Variants in NEMP2 observed in about 807,000 individuals in gnomAD.
NEMP2 encodes the protein UPF0571 transmembrane protein.
In NEMP2, 53 loss-of-function variants were observed where a neutral mutation model predicts 54.2. That is an observed-to-expected ratio of 0.98 (90% confidence interval 0.78 to 1.23). The LOEUF (loss-of-function observed/expected upper bound fraction) is 1.23, where lower values mean the gene tolerates loss of function less well. NEMP2 is among the 50% of genes most tolerant of loss of function. NEMP2 has a pLI of 0.00. For synonymous variants in NEMP2, 197 were observed against 190.3 expected (o/e 1.04, Z -0.29); for missense variants, 455 against 511.3 (o/e 0.89, Z 1.06).
upstream of NEMP2, among the ~76,000 whole-genome samples, chr2:190,539,673 G>A (rs1296386409): frequency 6.6e-6 from 1 of 152,060 alleles, no homozygotes; most frequent in Non-Finnish European, 1.5e-5. The surrounding 1 kb of genome is among the most constrained non-coding windows in gnomAD (Gnocchi z 4.1). Flanking sequence ...TATACTCTTT[G>A]TAGCTATTAT....
At chr2:190,547,363 T>G in the NEMP2 span, among the ~76,000 whole-genome samples, 3 of 152,198 alleles carry the variant, frequency 2.0e-5, no homozygotes, top group African/African-American at 7.2e-5. The surrounding 1 kb of genome is among the most constrained non-coding windows in gnomAD (Gnocchi z 6.2). Context: ...ATTCTAAACT[T>G]TGACAAATGT....
At chr2:190,644,222 C>T in the NEMP2 span, among the ~76,000 whole-genome samples, 5 of 152,248 alleles carry the variant, frequency 3.3e-5, no homozygotes, top group South Asian at 1.0e-3. This position sits in a 1 kb window ranked among gnomAD's most constrained non-coding sequence, Gnocchi z 4.4. Context: ...TACAGACATA[C>T]TGGCACCAAT....
chr2:190,613,014 ATTTAT>A, the NEMP2 span, among the ~76,000 whole-genome samples: 5 of 152,166 alleles, frequency 3.3e-5, no homozygotes, highest in Non-Finnish European at 5.9e-5. Flanking sequence ...TTATCTAATT[ATTTAT>A]TTTAATCATT....
At chr2:190,585,129 T>C in the NEMP2 span, among the ~76,000 whole-genome samples, 1 of 152,258 alleles carries the variant, frequency 6.6e-6, no homozygotes, top group African/African-American at 2.4e-5. The surrounding 1 kb of genome is among the most constrained non-coding windows in gnomAD (Gnocchi z 5.3). Context: ...CTGAAAGCAT[T>C]TGGAAACGTT....
chr2:190,602,849 A>C, the NEMP2 span, among the ~76,000 whole-genome samples: 1 of 152,226 alleles, frequency 6.6e-6, no homozygotes, highest in Non-Finnish European at 1.5e-5. Flanking sequence ...CATTTTGTGC[A>C]AAACCAGCCC....
chr2:190,488,646 T>G, the NEMP2 span: 1 of 1,489,728 alleles, frequency 6.7e-7, no homozygotes, highest in Middle Eastern at 1.8e-4. This position sits in a 1 kb window ranked among gnomAD's most constrained non-coding sequence, Gnocchi z 6.4. Context: ...CCTGCTCTTC[T>G]TCCTCTCCAG....
rs565944159 is a variant in NEMP2, at chr2:190,531,226, T to C, written c.97+3333A>G. On this transcript the variant is annotated intron_variant, in intron 1 of 8. Coordinates refer to ENST00000409150, the MANE Select transcript of NEMP2 (RefSeq NM_001142645.2). This position sits in a 1 kb window ranked among gnomAD's most constrained non-coding sequence, Gnocchi z 4.7. ...CTACTTGAGGCTGAGGTATTTAATA[T>C]GTCCGTACCCTGGAAGGTGCTCCAT... Among the ~76,000 whole-genome samples, 18 of 152,330 alleles carry C rather than the reference T, an allele frequency of 1.2e-4. No homozygotes were observed. Among genetic ancestry groups the C allele is most frequent in the African/African-American group, 4.3e-4 (18 of 41,574 alleles).
rs555559756 is a variant in NEMP2, at chr2:190,520,439, T to C, written c.214-1256A>G. On this transcript the variant is annotated intron_variant, in intron 2 of 8. Transcript: ENST00000409150. The surrounding 1 kb of genome is among the most constrained non-coding windows in gnomAD (Gnocchi z 5.4). Reference sequence around the variant, plus strand: ...TGTCCTTTTCTCTATTCCTCTTCTTTTTCTAAGAGTAGGGCAACCCTGAAA... The same window carrying C: ...TGTCCTTTTCTCTATTCCTCTTCTTCTTCTAAGAGTAGGGCAACCCTGAAA... Among the ~76,000 whole-genome samples the C allele has an allele frequency of 6.6e-6, 1 of 152,292 alleles. No individual in the cohort carries two copies. Among genetic ancestry groups the C allele is most frequent in the Middle Eastern group, 3.4e-3 (1 of 294 alleles).
upstream of NEMP2, among the ~76,000 whole-genome samples, chr2:190,538,196 G>C (rs1691440824): frequency 6.6e-6 from 1 of 150,694 alleles, no homozygotes; most frequent in Middle Eastern, 3.4e-3. The surrounding 1 kb of genome is among the most constrained non-coding windows in gnomAD (Gnocchi z 4.1). Context: ...TTTTTTTTTA[G>C]CTCCCACATA....
At chr2:190,594,570 A>G in the NEMP2 span, among the ~76,000 whole-genome samples, 4 of 152,150 alleles carry the variant, frequency 2.6e-5, no homozygotes, top group Admixed American at 2.6e-4. The surrounding 1 kb of genome is among the most constrained non-coding windows in gnomAD (Gnocchi z 5.6). Flanking sequence ...AAATATTTAT[A>G]TTTTAATGGT....
chr2:190,461,080 C>T, the NEMP2 span, among the ~76,000 whole-genome samples: 1 of 152,182 alleles, frequency 6.6e-6, no homozygotes, highest in Non-Finnish European at 1.5e-5. This position sits in a 1 kb window ranked among gnomAD's most constrained non-coding sequence, Gnocchi z 5.5. Flanking sequence ...GGTTTACCCA[C>T]ACCCAATCTC....
chr2:190,480,149 T>G, the NEMP2 span, among the ~76,000 whole-genome samples: 1 of 152,178 alleles, frequency 6.6e-6, no homozygotes, highest in Non-Finnish European at 1.5e-5. Context: ...GGTGACACAG[T>G]GAGACCCTGT....
chr2:190,440,090 T>C, the NEMP2 span, among the ~76,000 whole-genome samples: 3 of 152,232 alleles, frequency 2.0e-5, no homozygotes, highest in African/African-American at 7.2e-5. Context: ...TGCATGTATA[T>C]TATTTCAGTA....
the NEMP2 span, among the ~76,000 whole-genome samples, chr2:190,541,870 G>GTT: frequency 1.6e-3 from 236 of 149,790 alleles, 1 homozygote; most frequent in South Asian, 0.011. The surrounding 1 kb of genome is among the most constrained non-coding windows in gnomAD (Gnocchi z 5.2). Flanking sequence ...TTGGATAGCA[G>GTT]TTTTTTTTTT....
the NEMP2 span, among the ~76,000 whole-genome samples, chr2:190,448,479 G>C: frequency 6.6e-6 from 1 of 152,090 alleles, no homozygotes; most frequent in African/African-American, 2.4e-5. Flanking sequence ...TTAATGCAGG[G>C]GTTAAAAGAA....
At chr2:190,631,739 T>C in the NEMP2 span, among the ~76,000 whole-genome samples, 2 of 152,312 alleles carry the variant, frequency 1.3e-5, no homozygotes, top group South Asian at 2.1e-4. Flanking sequence ...GACAGTCCAA[T>C]ATAGACTTTC....
the NEMP2 span, among the ~76,000 whole-genome samples, chr2:190,541,137 G>A: frequency 2.0e-5 from 3 of 150,594 alleles, no homozygotes; most frequent in South Asian, 2.1e-4. The surrounding 1 kb of genome is among the most constrained non-coding windows in gnomAD (Gnocchi z 5.2). Context: ...AAAGTTTGTC[G>A]ATTTTATCTT....
chr2:190,451,140 AT>A, the NEMP2 span, among the ~76,000 whole-genome samples: 4 of 152,192 alleles, frequency 2.6e-5, no homozygotes, highest in African/African-American at 9.6e-5. This position sits in a 1 kb window ranked among gnomAD's most constrained non-coding sequence, Gnocchi z 5.0. Flanking sequence ...CAATTTGCCT[AT>A]AAAAAGTGTA....
chr2:190,426,946 T>G, the NEMP2 span, among the ~76,000 whole-genome samples: 280 of 152,382 alleles, frequency 1.8e-3, 1 homozygote, highest in Non-Finnish European at 3.3e-3. The surrounding 1 kb of genome is among the most constrained non-coding windows in gnomAD (Gnocchi z 4.7). Context: ...AGTTCCTCAC[T>G]CAGCCTCTTT....
Sources: allele counts gnomAD v4.1 joint callset (sites outside exome capture counted in the v4.1 genomes callset), GRCh38; gene constraint gnomAD v4.1.1; non-coding constraint Gnocchi (gnomAD v3.1); transcripts MANE v1.5; gene names NCBI Gene and HGNC (gene_info 2026-07-23, HGNC 2026-07-21).